CDKAL1: variants seen among roughly 807,000 people sequenced by gnomAD.
CDKAL1 encodes CDKAL1 threonylcarbamoyladenosine tRNA methylthiotransferase.
Under a neutral mutation model 68.2 loss-of-function variants are expected in CDKAL1, and 32 were observed. The observed-to-expected ratio is 0.47, with a 90% CI of 0.35 to 0.63. The LOEUF is 0.63. Among genes scored for constraint, CDKAL1 ranks in the 30% least tolerant of loss-of-function variants. The probability of loss-of-function intolerance (pLI) is 0.00; values close to 1 mark genes in which losing one functional copy is unlikely to be tolerated. For missense variants in CDKAL1, 606 were observed against 696.7 expected (o/e 0.87, Z 1.47); for synonymous variants, 234 against 244.3 (o/e 0.96, Z 0.39).
chr6:20,814,147 A>C (rs893640517), intron 8 of CDKAL1, among the ~76,000 whole-genome samples: 7 of 152,086 alleles, frequency 4.6e-5, no homozygotes, highest in South Asian at 2.1e-4. Flanking sequence ...TCTTTTGTCA[A>C]GTTTACTCTT....
chr6:20,907,484 GA>G (rs937068568), intron 9 of CDKAL1, among the ~76,000 whole-genome samples: 2 of 151,730 alleles, frequency 1.3e-5, no homozygotes, highest in African/African-American at 4.8e-5. Context: ...TTAAAAAATT[GA>G]AAAAAATGAC....
At chr6:21,061,611 T>C (rs934732428) in intron 11 of CDKAL1, among the ~76,000 whole-genome samples, 2 of 152,172 alleles carry the variant, frequency 1.3e-5, no homozygotes, top group Non-Finnish European at 2.9e-5. Flanking sequence ...GCCATTTAAA[T>C]CATATTCTAG....
At chr6:20,713,823 A>G (rs1251682648) in intron 5 of CDKAL1, among the ~76,000 whole-genome samples, 1 of 152,172 alleles carries the variant, frequency 6.6e-6, no homozygotes, top group African/African-American at 2.4e-5. Context: ...AGTTACCACA[A>G]GATAAATGTG....
chr6:20,654,106 C>T (rs933036715), intron 5 of CDKAL1, among the ~76,000 whole-genome samples: 2 of 151,628 alleles, frequency 1.3e-5, no homozygotes, highest in African/African-American at 4.8e-5. Flanking sequence ...TGATCTCGAA[C>T]TTCTGACCTC....
intron 5 of CDKAL1, among the ~76,000 whole-genome samples, chr6:20,731,737 T>C (rs1057369091): frequency 5.9e-5 from 9 of 152,172 alleles, no homozygotes; most frequent in Non-Finnish European, 5.9e-5. Context: ...TAAATAGGCG[T>C]TGACAGTAAT....
chr6:20,979,776 T>C (rs1766019760), intron 10 of CDKAL1, among the ~76,000 whole-genome samples: 1 of 123,906 alleles, frequency 8.1e-6, no homozygotes, highest in Non-Finnish European at 1.6e-5. Flanking sequence ...TAGTATCTTT[T>C]TTTTTTTTTT....
chr6:20,653,669 CA>C (rs1445820790), intron 5 of CDKAL1, among the ~76,000 whole-genome samples: 1 of 150,218 alleles, frequency 6.7e-6, no homozygotes, highest in African/African-American at 2.5e-5. Context: ...GCCTGGAGTG[CA>C]GTGGGGCAAT....
At chr6:20,742,365 C>T (rs1257078618) in intron 6 of CDKAL1, among the ~76,000 whole-genome samples, 4 of 55,868 alleles carry the variant, frequency 7.2e-5, no homozygotes, top group African/African-American at 2.8e-4. Flanking sequence ...TGTTCATTTA[C>T]AATTGGAGAA....
At chr6:20,709,285 A>C (rs1451867751) in intron 5 of CDKAL1, among the ~76,000 whole-genome samples, 3 of 152,042 alleles carry the variant, frequency 2.0e-5, no homozygotes, top group African/African-American at 7.3e-5. Context: ...GAGAGATTCT[A>C]TTTGTAATAC....
chr6:20,793,100 C>T (rs995020339), intron 8 of CDKAL1, among the ~76,000 whole-genome samples: 3 of 152,158 alleles, frequency 2.0e-5, no homozygotes, highest in African/African-American at 4.8e-5. Context: ...ACTAGCATCA[C>T]ATATTGTTCT....
intron 11 of CDKAL1, among the ~76,000 whole-genome samples, chr6:21,056,427 A>G (rs2150919982): frequency 6.6e-6 from 1 of 152,240 alleles, no homozygotes; most frequent in East Asian, 1.9e-4. Flanking sequence ...TTTTGTGCTG[A>G]GACGATGGGG....
chr6:20,609,992 C>G (rs1211572306), intron 4 of CDKAL1, among the ~76,000 whole-genome samples: 1 of 152,118 alleles, frequency 6.6e-6, no homozygotes, highest in African/African-American at 2.4e-5. Flanking sequence ...CATGTGTTCT[C>G]ATCATTTAGC....
Position 21,231,028 on chromosome 6 carries a change from G to T in CDKAL1, c.1729G>T (p.Val577Phe). Residue 577 changes from valine (V) to phenylalanine (F), a missense_variant, in exon 16 of 16, where the codon GTC becomes TTC. Physicochemically the swap from Val to Phe is conservative, Grantham distance 50 (BLOSUM62 -1). Transcript: ENST00000274695. ...TCTTCTTTTTGCTTTTTTTGTCAAG[G>T]TCTATAATTAGAATACAACTAATGG... Reference protein sequence around the residue: ...LGLLFAFFVKVYN With the variant: ...LGLLFAFFVKFYN 6.2e-7 allele frequency: 1 copy of T among 1,600,108 alleles called. No individual in the cohort carries two copies. Among genetic ancestry groups the T allele is most frequent in the Non-Finnish European group, 8.5e-7 (1 of 1,170,682 alleles).
At chr6:20,730,919 G>A (rs1460689827) in intron 5 of CDKAL1, among the ~76,000 whole-genome samples, 1 of 151,898 alleles carries the variant, frequency 6.6e-6, no homozygotes, top group Non-Finnish European at 1.5e-5. Flanking sequence ...GAGTATAAGA[G>A]TTTTAAGCAG....
intron 12 of CDKAL1, among the ~76,000 whole-genome samples, chr6:21,069,634 C>T (rs1037559183): frequency 3.9e-5 from 6 of 152,026 alleles, no homozygotes; most frequent in Non-Finnish European, 8.8e-5. Context: ...ATTTTGTTAT[C>T]AGAGTAGCAT....
intron 12 of CDKAL1, among the ~76,000 whole-genome samples, chr6:21,077,083 C>A (rs2150951566): frequency 6.6e-6 from 1 of 152,180 alleles, no homozygotes; most frequent in East Asian, 1.9e-4. Flanking sequence ...TCTTGAAATG[C>A]CTAATAATCT....
chr6:20,850,229 T>C (rs963724481), intron 9 of CDKAL1, among the ~76,000 whole-genome samples: 1 of 152,126 alleles, frequency 6.6e-6, no homozygotes, highest in African/African-American at 2.4e-5. Flanking sequence ...TAGTACTAGG[T>C]TTAAAGCCAC....
rs1779987132 is a variant in CDKAL1 at position 21,231,841 on chromosome 6, C to A, written c.*802C>A. The A allele has an allele frequency of 6.6e-6, 1 of 152,138 alleles. No individual in the cohort carries two copies. Among genetic ancestry groups the A allele is most frequent in the Admixed American group, 6.5e-5 (1 of 15,282 alleles). 9.4% of individuals were successfully genotyped at this position (152,138 alleles called of 1,614,324 possible). A position where few individuals can be genotyped will look rare whatever the true frequency, so the allele number is the denominator to read the frequency against. On this transcript the variant is annotated 3_prime_UTR_variant, in exon 16 of 16. Transcript: ENST00000274695. ...TGTGTTCCTGAAAAGTGTATAGAAA[C>A]CTGTTCTGGGAACCTGAATGCTTTT... is the stretch of plus-strand genomic sequence containing the variant.
chr6:21,027,946 T>C (rs1471615941), intron 11 of CDKAL1, among the ~76,000 whole-genome samples: 1 of 152,032 alleles, frequency 6.6e-6, no homozygotes, highest in Non-Finnish European at 1.5e-5. Context: ...AAATCTGAGG[T>C]GGAGCTCACT....
Sources: gnomAD v4.1 joint callset for allele counts (sites outside exome capture counted in the v4.1 genomes callset) on GRCh38, gnomAD v4.1.1 for gene constraint, MANE v1.5 for transcripts, NCBI Gene and HGNC (gene_info 2026-07-23, HGNC 2026-07-21) for gene names.